The following ZNF865 variants were observed in gnomAD, a reference collection of about 807,000 sequenced individuals.
ZNF865 encodes zinc finger protein 865.
For synonymous variants in ZNF865, 763 were observed against 750.8 expected, an observed-to-expected ratio of 1.02 and a Z score of -0.27; for missense variants, 1,311 against 1,593.4, an observed-to-expected ratio of 0.82 and a Z score of 3.02.
chr19:55,607,497 G>C (rs1007460111), intron 1 of ZNF865, among the ~76,000 whole-genome samples: 3 of 150,524 alleles, frequency 2.0e-5, no homozygotes, highest in Non-Finnish European at 3.0e-5. Context: ...GTAGTCCCCA[G>C]CTATTCAGGA....
chr19:55,606,381 C>T (rs144771977), intron 1 of ZNF865, among the ~76,000 whole-genome samples: 85 of 152,300 alleles, frequency 5.6e-4, no homozygotes, highest in African/African-American at 2.0e-3. Context: ...CGGCACAGCT[C>T]CCTCTAGAGT....
rs2123591643 is a variant in ZNF865, at chr19:55,614,459, G to A, written c.841G>A (p.Ala281Thr). The change falls in exon 2 of 2, where the codon GCG (alanine) becomes ACG (threonine). Residue 281 changes from alanine (A) to threonine (T), a missense_variant. Physicochemically the swap from Ala to Thr is moderately conservative, Grantham distance 58 (BLOSUM62 0). Coordinates refer to ENST00000568956, the MANE Select transcript of ZNF865 (RefSeq NM_001195605.2). The surrounding 1 kb of genome is among the most constrained non-coding windows in gnomAD (Gnocchi z 8.0). Reference sequence around the variant, plus strand: ...CTGCCACAAGGACGTGCCACCGGCCGCGGGGGGCCCGCCCCAGCCCGGCCC... The same window carrying A: ...CTGCCACAAGGACGTGCCACCGGCCACGGGGGGCCCGCCCCAGCCCGGCCC... The part of the protein sequence containing the change: ...RRCHKDVPPA[A>T]GGPPQPGPHL... 1.4e-6 allele frequency: 2 copies of A among 1,419,678 alleles called. No individual in the cohort carries two copies. Among genetic ancestry groups the A allele is most frequent in the East Asian group, 6.3e-5 (2 of 31,774 alleles). 87.9% of individuals were successfully genotyped at this position (1,419,678 alleles called of 1,614,324 possible). A position where few individuals can be genotyped will look rare whatever the true frequency, so the allele number is the denominator to read the frequency against.
At chr19:55,607,663 T>G (rs1980992155) in intron 1 of ZNF865, among the ~76,000 whole-genome samples, 1 of 152,154 alleles carries the variant, frequency 6.6e-6, no homozygotes, top group South Asian at 2.1e-4. Flanking sequence ...CCCCAGGATT[T>G]TCCTATGTCT....
chr19:55,609,823 T>C (rs182596067), intron 1 of ZNF865, among the ~76,000 whole-genome samples: 1 of 152,346 alleles, frequency 6.6e-6, no homozygotes, highest in East Asian at 1.9e-4. Context: ...CCCATCATGC[T>C]TCTCTCTGCA....
chr19:55,615,885 A>AGGTGGGGGC lies in ZNF865; in HGVS notation c.2270_2278dup (p.Val757_Ala759dup). 6.8e-7 allele frequency: 1 copy of AGGTGGGGGC among 1,469,198 alleles called. No homozygotes were observed. The highest frequency in any genetic ancestry group is 2.7e-5 in the East Asian group (1 of 37,042). The allele number at this position is 1,469,198 out of a possible 1,614,324, so 91.0% of individuals were successfully genotyped here. On this transcript the variant is annotated inframe_insertion, in exon 2 of 2. Coordinates refer to ENST00000568956, the MANE Select transcript of ZNF865 (RefSeq NM_001195605.2). The stretch of plus-strand genomic sequence containing the variant: ...GTGCTGGACAACGGGCTGGCGGGGG[A>AGGTGGGGGC]GGTGGGGGCGGCCGTGGCGGCACTG...
rs939759475 is a variant in ZNF865, at chr19:55,614,576, C to G, written c.958C>G (p.Pro320Ala). The change falls in exon 2 of 2, where the codon CCC becomes GCC. Residue 320 changes from proline to alanine, a missense_variant. By Grantham distance (27) the Pro-to-Ala change is conservative. Coordinates refer to ENST00000568956, the MANE Select transcript of ZNF865 (RefSeq NM_001195605.2). This position sits in a 1 kb window ranked among gnomAD's most constrained non-coding sequence, Gnocchi z 8.0. The part of the protein sequence containing the change: ...STVSSGPPAT[P>A]VAPAPSADGS... Reference sequence around the variant, plus strand: ...GGTGTCCTCGGGCCCTCCAGCCACGCCCGTGGCGCCTGCCCCCTCCGCAGA... The same window carrying G: ...GGTGTCCTCGGGCCCTCCAGCCACGGCCGTGGCGCCTGCCCCCTCCGCAGA... The G allele has an allele frequency of 2.7e-6, 4 of 1,507,398 alleles. No homozygotes were observed. The African/African-American group carries it at 5.7e-5, about 21-fold the overall frequency. 93.4% of individuals were successfully genotyped at this position (1,507,398 alleles called of 1,614,324 possible).
chr19:55,609,694 C>T (rs1430883617), intron 1 of ZNF865, among the ~76,000 whole-genome samples: 2 of 152,196 alleles, frequency 1.3e-5, no homozygotes, highest in Admixed American at 1.3e-4. Flanking sequence ...TGGTACAGGA[C>T]TGTGCTGCCT....
rs1256373276 is a variant in ZNF865, at chr19:55,611,553, G to A, written c.-26-2040G>A. On this transcript the variant is annotated intron_variant, in intron 1 of 1. Transcript: ENST00000568956. The surrounding 1 kb of genome is among the most constrained non-coding windows in gnomAD (Gnocchi z 4.5). Reference sequence around the variant, plus strand: ...TGAAGGGCATGGGATGTTGAGTCTTGTCCAAGGACAAGGACACCCGGAGCT... The same window carrying A: ...TGAAGGGCATGGGATGTTGAGTCTTATCCAAGGACAAGGACACCCGGAGCT... Among the ~76,000 whole-genome samples, 1 of 152,196 alleles carries A rather than the reference G, an allele frequency of 6.6e-6. No homozygotes were observed. The highest frequency in any genetic ancestry group is 1.5e-5 in the Non-Finnish European group (1 of 68,036).
chr19:55,606,130 A>G (rs1298673249), intron 1 of ZNF865, among the ~76,000 whole-genome samples: 2 of 152,166 alleles, frequency 1.3e-5, no homozygotes, highest in East Asian at 3.9e-4. Context: ...AGTATCCTCT[A>G]TATAATTCTC....
At chr19:55,607,666 C>G (rs952220474) in intron 1 of ZNF865, among the ~76,000 whole-genome samples, 2 of 152,166 alleles carry the variant, frequency 1.3e-5, no homozygotes, top group Admixed American at 6.5e-5. Context: ...CAGGATTTTC[C>G]TATGTCTTGT....
Position 55,616,140 on chromosome 19 carries a change from G to A in ZNF865, c.2522G>A (p.Ser841Asn), listed in dbSNP as rs1176933125. 6.7e-7 allele frequency: 1 copy of A among 1,500,770 alleles called. No homozygotes were observed. Among genetic ancestry groups the A allele is most frequent in the East Asian group, 2.5e-5 (1 of 39,766 alleles). The allele number at this position is 1,500,770 out of a possible 1,614,324, so 93.0% of individuals were successfully genotyped here. ...GAYDLLLHRR[S>N]HRQKRGFRCP... is the part of the protein sequence containing the mutation. ...TACGACTTGCTCCTACACCGCCGCA[G>A]CCATCGGCAGAAGCGGGGTTTCCGC... is the stretch of plus-strand genomic sequence containing the variant. The change falls in exon 2 of 2, where the codon AGC becomes AAC. Residue 841 changes from serine (S) to asparagine (N), a missense_variant. Ser to Asn is a conservative substitution (Grantham distance 46, BLOSUM62 1). Transcript: ENST00000568956.
Position 55,613,597 on chromosome 19 carries a change from T to TCCCGTCTCCCA in ZNF865, c.-17_-7dup, listed in dbSNP as rs1400282307. 1 of 1,497,252 alleles carries TCCCGTCTCCCA rather than the reference T, an allele frequency of 6.7e-7. No individual in the cohort carries two copies. The highest frequency in any genetic ancestry group is 8.9e-7 in the Non-Finnish European group (1 of 1,128,254). 92.7% of individuals were successfully genotyped at this position (1,497,252 alleles called of 1,614,324 possible). Reference sequence around the variant, plus strand: ...GCCCCGTCCTCCTCTTCACAGGGTCTCCCGTCTCCCACCCGCCGGAGATGG... The same window carrying TCCCGTCTCCCA: ...GCCCCGTCCTCCTCTTCACAGGGTCTCCCGTCTCCCACCCGTCTCCCACCCGCCGGAGATGG... On this transcript the variant is annotated 5_prime_UTR_variant, in exon 2 of 2. Transcript: ENST00000568956.
At position 55,616,422 on chromosome 19, in the gene ZNF865, G is replaced by A; in HGVS notation, c.2804G>A (p.Ser935Asn). ...GCTGTGGCCCGGCCCCAGCGCTGCA[G>A]CGCCTGTGGCAAGACCTTCCGCTAC... ...LHAVARPQRC[S>N]ACGKTFRYRS... The change falls in exon 2 of 2, where the codon AGC (serine) becomes AAC (asparagine). Residue 935 changes from serine (S) to asparagine (N), a missense_variant. Physicochemically the swap from Ser to Asn is conservative, Grantham distance 46. Transcript: ENST00000568956. 3 of 1,512,316 alleles carry A rather than the reference G, an allele frequency of 2.0e-6. 1 individual carries two copies. Among genetic ancestry groups the A allele is most frequent in the Middle Eastern group, 1.7e-4 (1 of 5,866 alleles). The allele number at this position is 1,512,316 out of a possible 1,614,324, so 93.7% of individuals were successfully genotyped here.
rs1412475382 is a variant in ZNF865 at position 55,613,879 on chromosome 19, C to A, written c.261C>A (p.Pro87=). The change falls in exon 2 of 2, where the codon CCC becomes CCA. Residue 87 remains proline, a synonymous_variant. Coordinates refer to ENST00000568956, the MANE Select transcript of ZNF865 (RefSeq NM_001195605.2). ...ACCCGCCCCAGTCCACCTTCAAGCC[C>A]AAGGCGGAGGTGCCCTCCTCGTCCT... ...YDYPPQSTFK[P]KAEVPSSSSS... The A allele has an allele frequency of 6.6e-7, 1 of 1,504,548 alleles. No homozygotes were observed. Among genetic ancestry groups the A allele is most frequent in the Non-Finnish European group, 8.9e-7 (1 of 1,120,300 alleles). The allele number at this position is 1,504,548 out of a possible 1,614,324, so 93.2% of individuals were successfully genotyped here. A position where few individuals can be genotyped will look rare whatever the true frequency, so the allele number is the denominator to read the frequency against.
At position 55,616,407 on chromosome 19, in the gene ZNF865, G is replaced by T; in HGVS notation, c.2789G>T (p.Arg930Leu). Residue 930 changes from arginine (R) to leucine (L), a missense_variant, in exon 2 of 2, where the codon CGG becomes CTG. Physicochemically the swap from Arg to Leu is moderately radical, Grantham distance 102 (BLOSUM62 -2). Transcript: ENST00000568956. ...CACCGGCGGCTGCACGCTGTGGCCCGGCCCCAGCGCTGCAGCGCCTGTGGC... is the reference window on the plus strand; with the variant it reads ...CACCGGCGGCTGCACGCTGTGGCCCTGCCCCAGCGCTGCAGCGCCTGTGGC... The part of the protein sequence containing the change: ...AEHRRLHAVA[R>L]PQRCSACGKT... The T allele has an allele frequency of 6.6e-7, 1 of 1,503,808 alleles. No individual in the cohort carries two copies. Among genetic ancestry groups the T allele is most frequent in the Non-Finnish European group, 8.8e-7 (1 of 1,132,160 alleles). 93.2% of individuals were successfully genotyped at this position (1,503,808 alleles called of 1,614,324 possible).
rs1385034875 is a variant in ZNF865, at chr19:55,615,212, G to T, written c.1594G>T (p.Gly532Cys). 4.1e-6 allele frequency: 6 copies of T among 1,454,906 alleles called. No individual in the cohort carries two copies. The highest frequency in any genetic ancestry group is 5.4e-6 in the Non-Finnish European group (6 of 1,114,700). 90.1% of individuals were successfully genotyped at this position (1,454,906 alleles called of 1,614,324 possible). ...GGGCGCCCACCCGCTGCTGCTCGGC[G>T]GCGCGGGGACCAGCGGGGCGGGAGG... is the stretch of plus-strand genomic sequence containing the variant. The part of the protein sequence containing the change: ...LLGAHPLLLG[G>C]AGTSGAGGSG... Residue 532 changes from glycine (G) to cysteine (C), a missense_variant, in exon 2 of 2, where the codon GGC (glycine) becomes TGC (cysteine). Transcript: ENST00000568956.
Position 55,616,315 on chromosome 19 carries a change from T to C in ZNF865, c.2697T>C (p.Thr899=), listed in dbSNP as rs1278964379. ...WYLRQHRVVH[T]GERAFKCGVC... ...TGCGGCAGCACCGCGTGGTGCACAC[T>C]GGCGAGCGGGCCTTCAAGTGCGGCG... Residue 899 remains threonine (T), a synonymous_variant, in exon 2 of 2, where the codon ACT becomes ACC. Transcript: ENST00000568956. 1 of 1,521,892 alleles carries C rather than the reference T, an allele frequency of 6.6e-7. No individual in the cohort carries two copies. Among genetic ancestry groups the C allele is most frequent in the Non-Finnish European group, 8.8e-7 (1 of 1,139,748 alleles). The allele number at this position is 1,521,892 out of a possible 1,614,324, so 94.3% of individuals were successfully genotyped here.
At position 55,615,732 on chromosome 19, in the gene ZNF865, C is replaced by A. The variant is rs1288620297; in HGVS notation, c.2114C>A (p.Thr705Asn). Reference protein sequence around the residue: ...KPYGCDACGKTFGFIENLMWH... With the variant: ...KPYGCDACGKNFGFIENLMWH... ...TACGGCTGCGACGCCTGCGGCAAGA[C>A]CTTCGGCTTCATCGAGAACCTCATG... The change falls in exon 2 of 2, where the codon ACC becomes AAC. Residue 705 changes from threonine to asparagine, a missense_variant. Physicochemically the swap from Thr to Asn is moderately conservative, Grantham distance 65. Transcript: ENST00000568956. The A allele has an allele frequency of 1.3e-6, 2 of 1,533,642 alleles. No homozygotes were observed. The highest frequency in any genetic ancestry group is 2.7e-5 in the African/African-American group (2 of 72,802).
In ZNF865 at chr19:55,616,586, C is replaced by T. The variant is rs1475051289; in HGVS notation, c.2968C>T (p.Arg990Cys). Residue 990 changes from arginine (R) to cysteine (C), a missense_variant, in exon 2 of 2, where the codon CGC (arginine) becomes TGC (cysteine). By Grantham distance (180) the Arg-to-Cys change is radical. Coordinates refer to ENST00000568956, the MANE Select transcript of ZNF865 (RefSeq NM_001195605.2). ...CCATGAGCCGCCGCGGCCCGAGCTCCGCTGCCCCGCCTGCCTCAAGGCCTT... is the reference window on the plus strand; with the variant it reads ...CCATGAGCCGCCGCGGCCCGAGCTCTGCTGCCCCGCCTGCCTCAAGGCCTT... ...RAHEPPRPELRCPACLKAFKD... is the reference protein window; with the variant it reads ...RAHEPPRPELCCPACLKAFKD... 2.0e-5 allele frequency: 30 copies of T among 1,528,318 alleles called. No individual in the cohort carries two copies. In the East Asian group the frequency reaches 4.7e-4, roughly 24 times the overall value. The allele number at this position is 1,528,318 out of a possible 1,614,324, so 94.7% of individuals were successfully genotyped here.
Sources: allele counts gnomAD v4.1 joint callset (sites outside exome capture counted in the v4.1 genomes callset), GRCh38; gene constraint gnomAD v4.1.1; non-coding constraint Gnocchi (gnomAD v3.1); transcripts MANE v1.5; gene names NCBI Gene and HGNC (gene_info 2026-07-23, HGNC 2026-07-21).